RTN1: variants seen among roughly 807,000 people sequenced by gnomAD.
RTN1 encodes reticulon-1.
RTN1 carries 25 observed loss-of-function variants against 65.5 expected under a neutral mutation model. The ratio of observed to expected loss-of-function variants is 0.38; its 90% confidence interval spans 0.28 to 0.53. The LOEUF is 0.53. RTN1 is among the 20% of genes least tolerant of loss of function. The pLI, the probability that RTN1 is intolerant of heterozygous loss-of-function variation, is 0.79. For missense variants in RTN1, 983 were observed against 1,025.4 expected (o/e 0.96, Z 0.57); for synonymous variants, 471 against 447.6 (o/e 1.05, Z -0.66).
chr14:59,746,177 T>C lies in RTN1; in HGVS notation c.546A>G (p.Leu182=), dbSNP rs771072891. The C allele has an allele frequency of 5.6e-6, 9 of 1,608,020 alleles. No homozygotes were observed. The East Asian group carries it at 1.8e-4, about 32-fold the overall frequency. ...PAESTEVNKI[L]ADPLDQMKAE... is the part of the protein sequence containing the mutation. ...CTTTCATCTGGTCCAGAGGGTCTGC[T>C]AAGATCTTGTTCACTTCCGTGGACT... is the stretch of plus-strand genomic sequence containing the variant. The change falls in exon 2 of 9, where the codon TTA becomes TTG. Residue 182 remains leucine (L), a synonymous_variant. Coordinates refer to ENST00000267484, the MANE Select transcript of RTN1 (RefSeq NM_021136.3).
intron 3 of RTN1, among the ~76,000 whole-genome samples, chr14:59,715,972 T>C (rs1003278735): frequency 1.3e-5 from 2 of 152,228 alleles, no homozygotes; most frequent in Admixed American, 1.3e-4. Context: ...AAGAAAACCA[T>C]GATTCTATGT....
intron 3 of RTN1, among the ~76,000 whole-genome samples, chr14:59,698,093 G>C (rs1212603215): frequency 2.0e-5 from 3 of 152,178 alleles, no homozygotes; most frequent in Non-Finnish European, 4.4e-5. Context: ...AACATGATTA[G>C]TGGATAAGTA....
intron 1 of RTN1, among the ~76,000 whole-genome samples, chr14:59,826,949 T>C (rs896314709): frequency 1.4e-4 from 22 of 152,114 alleles, no homozygotes; most frequent in Non-Finnish European, 1.9e-4. Context: ...GCAGAGTATT[T>C]AGAATGGGTA....
At position 59,746,167 on chromosome 14, in the gene RTN1, G is replaced by A; in HGVS notation, c.556C>T (p.Leu186=). 6.2e-7 allele frequency: 1 copy of A among 1,607,126 alleles called. No individual in the cohort carries two copies. Residue 186 remains leucine, a synonymous_variant, in exon 2 of 9, where the codon CTG becomes TTG. Coordinates refer to ENST00000267484, the MANE Select transcript of RTN1 (RefSeq NM_021136.3). The part of the protein sequence containing the change: ...TEVNKILADP[L]DQMKAEAYKY... ...TAGGCCTCTGCTTTCATCTGGTCCA[G>A]AGGGTCTGCTAAGATCTTGTTCACT...
intron 3 of RTN1, among the ~76,000 whole-genome samples, chr14:59,663,368 C>T (rs985105322): frequency 3.3e-5 from 5 of 152,038 alleles, no homozygotes; most frequent in Non-Finnish European, 5.9e-5. Context: ...AAGACCTAAA[C>T]CATAAAAACC....
chr14:59,636,135 G>A (rs959891388), intron 3 of RTN1, among the ~76,000 whole-genome samples: 2 of 152,190 alleles, frequency 1.3e-5, no homozygotes, highest in Admixed American at 1.3e-4. Flanking sequence ...AAGTAGAAAT[G>A]GAAAATGCTA....
At chr14:59,772,133 T>C (rs1594736240) in intron 1 of RTN1, among the ~76,000 whole-genome samples, 1 of 152,302 alleles carries the variant, frequency 6.6e-6, no homozygotes, top group South Asian at 2.1e-4. Flanking sequence ...AAAAATAAAG[T>C]TTTTAGTTAA....
chr14:59,670,891 G>A (rs7147929), intron 3 of RTN1, among the ~76,000 whole-genome samples: 63,693 of 151,662 alleles, frequency 0.42, 14,227 homozygotes, highest in African/African-American at 0.57. Context: ...ACACATCTTT[G>A]AAAGCAATTC....
At chr14:59,770,297 G>C (rs949804420) in intron 1 of RTN1, among the ~76,000 whole-genome samples, 1 of 140,474 alleles carries the variant, frequency 7.1e-6, no homozygotes, top group Admixed American at 8.1e-5. Context: ...AGAATCGCTT[G>C]AACCTGGGAG....
At chr14:59,826,620 C>T (rs1473817776) in intron 1 of RTN1, among the ~76,000 whole-genome samples, 1 of 152,216 alleles carries the variant, frequency 6.6e-6, no homozygotes, top group East Asian at 1.9e-4. Context: ...CTCACTGCTT[C>T]ACAAAGGCCC....
intron 1 of RTN1, among the ~76,000 whole-genome samples, chr14:59,763,183 T>A (rs1290367165): frequency 6.6e-6 from 1 of 152,172 alleles, no homozygotes; most frequent in East Asian, 1.9e-4. Context: ...TAAAAGTTAT[T>A]ATACTGAGTG....
chr14:59,646,576 A>G (rs572766585), intron 3 of RTN1, among the ~76,000 whole-genome samples: 2 of 152,322 alleles, frequency 1.3e-5, no homozygotes, highest in African/African-American at 4.8e-5. Flanking sequence ...GAACCCCATC[A>G]GGCTAGCAGC....
chr14:59,819,283 C>T (rs897271085), intron 1 of RTN1, among the ~76,000 whole-genome samples: 1 of 151,884 alleles, frequency 6.6e-6, no homozygotes, highest in Non-Finnish European at 1.5e-5. Flanking sequence ...TAGGAGGTTG[C>T]AGTTGGGGCT....
chr14:59,686,216 T>C (rs1883844182), intron 3 of RTN1, among the ~76,000 whole-genome samples: 1 of 152,142 alleles, frequency 6.6e-6, no homozygotes, highest in Non-Finnish European at 1.5e-5. Flanking sequence ...ATGAAACTAC[T>C]AGAAGAAAAT....
chr14:59,672,169 C>T (rs1221154742), intron 3 of RTN1, among the ~76,000 whole-genome samples: 3 of 152,108 alleles, frequency 2.0e-5, no homozygotes, highest in African/African-American at 7.2e-5. Flanking sequence ...GCCATTTGAC[C>T]TCTTTGAGCT....
In RTN1 at chr14:59,727,356, G is replaced by C; in HGVS notation, c.1328C>G (p.Ser443Trp). 3 of 1,508,922 alleles carry C rather than the reference G, an allele frequency of 2.0e-6. No individual in the cohort carries two copies. Among genetic ancestry groups the C allele is most frequent in the Non-Finnish European group, 2.7e-6 (3 of 1,128,078 alleles). The allele number at this position is 1,508,922 out of a possible 1,614,324, so 93.5% of individuals were successfully genotyped here. ...SFGHVGGPPP[S>W]PASPSIQYSI... Reference sequence around the variant, plus strand: ...GTACTGGATGGATGGCGAGGCGGGCGAGGGCGGCGGGCCGCCCACGTGGCC... The same window carrying C: ...GTACTGGATGGATGGCGAGGCGGGCCAGGGCGGCGGGCCGCCCACGTGGCC... The change falls in exon 3 of 9, where the codon TCG becomes TGG. Residue 443 changes from serine to tryptophan, a missense_variant. By Grantham distance (177) the Ser-to-Trp change is radical. Around this residue, in one of 2 missense-constraint regions of RTN1, gnomAD observed 818 missense variants for 801.8 expected, o/e 1.02. Transcript: ENST00000267484. This position sits in a 1 kb window ranked among gnomAD's most constrained non-coding sequence, Gnocchi z 4.2.
At chr14:59,815,634 G>A (rs866859360) in intron 1 of RTN1, among the ~76,000 whole-genome samples, 8 of 152,096 alleles carry the variant, frequency 5.3e-5, no homozygotes, top group Admixed American at 3.3e-4. Flanking sequence ...GTCTCCATGG[G>A]GAGCCTATCT....
chr14:59,618,021 C>T (rs528477826), intron 3 of RTN1, among the ~76,000 whole-genome samples: 21 of 152,250 alleles, frequency 1.4e-4, no homozygotes, highest in Admixed American at 4.6e-4. Context: ...AAATTATGAC[C>T]GAGACAGCGA....
At chr14:59,689,984 CT>C (rs113453078) in intron 3 of RTN1, among the ~76,000 whole-genome samples, 90,660 of 148,254 alleles carry the variant, frequency 0.61, 27,500 homozygotes, top group South Asian at 0.72. Flanking sequence ...ATGTAATTTC[CT>C]TTTTTTTTTT....
Sources: allele counts gnomAD v4.1 joint callset (sites outside exome capture counted in the v4.1 genomes callset), GRCh38; gene constraint gnomAD v4.1.1; regional missense constraint gnomAD v4.1.1; non-coding constraint Gnocchi (gnomAD v3.1); transcripts MANE v1.5; gene names NCBI Gene and HGNC (gene_info 2026-07-23, HGNC 2026-07-21).